RPS6KA5: variants seen among roughly 807,000 people sequenced by gnomAD.
The protein encoded by RPS6KA5 is ribosomal protein S6 kinase alpha-5.
A neutral mutation model predicts 85.5 loss-of-function variants in RPS6KA5; 27 were observed. That is an observed-to-expected ratio of 0.32 (90% CI 0.23 to 0.44). The LOEUF is 0.44. Ranked by LOEUF, RPS6KA5 falls within the 20% of genes least tolerant of loss-of-function variation. The pLI is 1.00. For synonymous variants in RPS6KA5, 334 were observed against 348.2 expected (o/e 0.96, Z 0.46); for missense variants, 811 against 980.9 (o/e 0.83, Z 2.31).
At chr14:91,059,340 G>GAAAA (rs542313515) in intron 1 of RPS6KA5, among the ~76,000 whole-genome samples, 11 of 127,584 alleles carry the variant, frequency 8.6e-5, no homozygotes, top group African/African-American at 3.3e-4. Flanking sequence ...AACTCTGTCT[G>GAAAA]AAAAAAAAAA....
intron 1 of RPS6KA5, chr14:91,059,938 T>C (rs1450002641): frequency 1.7e-5 from 13 of 756,100 alleles, no homozygotes; most frequent in African/African-American, 7.6e-5. Flanking sequence ...GGAGACACTC[T>C]CCAAAACAAA....
rs2032620116 is a variant in RPS6KA5 at position 90,862,687 on chromosome 14, CTCCTGGG to C, written c.*9380_*9386del. 1 of 152,278 alleles carries C rather than the reference CTCCTGGG, an allele frequency of 6.6e-6. No individual in the cohort carries two copies. The highest frequency in any genetic ancestry group is 2.4e-5 in the African/African-American group (1 of 41,432). The allele number at this position is 152,278 out of a possible 1,614,324, so 9.4% of individuals were successfully genotyped here. A position where few individuals can be genotyped will look rare whatever the true frequency, so the allele number is the denominator to read the frequency against. ...CTATGTTGCCCAGGCTGGTCTCCAA[CTCCTGGG>C]CTAAAGCAATCCTTCCTCTTGGCCT... On this transcript the variant is annotated 3_prime_UTR_variant, in exon 17 of 17. Transcript: ENST00000614987.
chr14:90,960,839 CCTTT>C (rs1460137258), intron 3 of RPS6KA5, among the ~76,000 whole-genome samples: 5 of 152,062 alleles, frequency 3.3e-5, no homozygotes, highest in Non-Finnish European at 5.9e-5. Context: ...GTTTTTCTTC[CCTTT>C]ATTATAAGAA....
intron 5 of RPS6KA5, among the ~76,000 whole-genome samples, chr14:90,923,841 T>A (rs953305595): frequency 6.6e-6 from 1 of 152,158 alleles, no homozygotes; most frequent in African/African-American, 2.4e-5. Context: ...TATAGAATTT[T>A]AAAAATTCAA....
chr14:90,920,037 T>C (rs534645448), intron 7 of RPS6KA5, among the ~76,000 whole-genome samples, 169 bp downstream of exon 7: 1 of 152,288 alleles, frequency 6.6e-6, no homozygotes, highest in South Asian at 2.1e-4. Flanking sequence ...TAAAGAAATG[T>C]AAAGGTAACA....
At chr14:91,052,819 C>G (rs1456061939) in intron 1 of RPS6KA5, among the ~76,000 whole-genome samples, 1 of 126,474 alleles carries the variant, frequency 7.9e-6, no homozygotes, top group African/African-American at 3.2e-5. Context: ...GGGAACAGAG[C>G]GAGACTCCAT....
At chr14:90,891,153 C>T (rs903206314) in intron 13 of RPS6KA5, among the ~76,000 whole-genome samples, 2 of 151,724 alleles carry the variant, frequency 1.3e-5, no homozygotes, top group African/African-American at 2.4e-5. Context: ...TCCATAAGGA[C>T]GGGGACTATG....
Position 90,943,232 on chromosome 14 carries a change from T to C in RPS6KA5, c.511-47A>G, listed in dbSNP as rs536327379. ...AATTTTAAAATAATTTACAAAAAAATGAATTAGGGCAGTCTTTCTCGTCTA... is the reference window on the plus strand; with the variant it reads ...AATTTTAAAATAATTTACAAAAAAACGAATTAGGGCAGTCTTTCTCGTCTA... On this transcript the variant is annotated intron_variant, in intron 4 of 16. Coordinates refer to ENST00000614987, the MANE Select transcript of RPS6KA5 (RefSeq NM_004755.4). The C allele has an allele frequency of 1.1e-5, 12 of 1,111,024 alleles. No individual in the cohort carries two copies. The African/African-American group carries it at 1.6e-4, about 15-fold the overall frequency. The allele number at this position is 1,111,024 out of a possible 1,614,324, so 68.8% of individuals were successfully genotyped here. A position where few individuals can be genotyped will look rare whatever the true frequency, so the allele number is the denominator to read the frequency against.
Position 90,978,867 on chromosome 14 carries a change from A to G in RPS6KA5, c.176-343T>C, listed in dbSNP as rs569369639. On this transcript the variant is annotated intron_variant, in intron 2 of 16. Transcript: ENST00000614987. ...CTGGAACAACCAGGACATTTTAGAC[A>G]TCAGATAAAACTTCTAGATATATAT... 2.3e-3 allele frequency among the ~76,000 whole-genome samples: 349 copies of G among 152,308 alleles called. 1 individual carries two copies. Among genetic ancestry groups the G allele is most frequent in the Non-Finnish European group, 3.8e-3 (260 of 68,014 alleles).
chr14:90,941,211 C>T (rs949253446), intron 5 of RPS6KA5, among the ~76,000 whole-genome samples: 4 of 152,072 alleles, frequency 2.6e-5, no homozygotes, highest in African/African-American at 9.7e-5. Flanking sequence ...AAAATACAGT[C>T]ACAAAACTAT....
chr14:90,870,830 A>G lies in RPS6KA5; in HGVS notation c.*1244T>C, dbSNP rs551940294. The G allele has an allele frequency of 6.7e-5, 6 of 89,832 alleles. No homozygotes were observed. The South Asian group carries it at 2.0e-3, about 30-fold the overall frequency. 5.6% of individuals were successfully genotyped at this position (89,832 alleles called of 1,614,324 possible). A position where few individuals can be genotyped will look rare whatever the true frequency, so the allele number is the denominator to read the frequency against. On this transcript the variant is annotated 3_prime_UTR_variant, in exon 17 of 17. Transcript: ENST00000614987. Reference sequence around the variant, plus strand: ...CTTTTTTTTTTTTTTTTTTTTTTGCATAGGGAACGAATTAATTGTATTTTT... The same window carrying G: ...CTTTTTTTTTTTTTTTTTTTTTTGCGTAGGGAACGAATTAATTGTATTTTT...
intron 16 of RPS6KA5, 89 bp downstream of exon 16, chr14:90,873,543 A>C: frequency 8.3e-7 from 1 of 1,210,926 alleles, no homozygotes; most frequent in East Asian, 2.4e-5. Context: ...ATGTGAAACA[A>C]AGAAAACGTA....
chr14:90,943,199 G>T lies in RPS6KA5; in HGVS notation c.511-14C>A. On this transcript the variant is annotated splice_polypyrimidine_tract_variant and intron_variant, in intron 4 of 16. Coordinates refer to ENST00000614987, the MANE Select transcript of RPS6KA5 (RefSeq NM_004755.4). ...TATAATCCCCAACTGCAAAAACAAAGAAATATAAATTTTAAAATAATTTAC... is the reference window on the plus strand; with the variant it reads ...TATAATCCCCAACTGCAAAAACAAATAAATATAAATTTTAAAATAATTTAC... 1 of 1,381,046 alleles carries T rather than the reference G, an allele frequency of 7.2e-7. No homozygotes were observed. The highest frequency in any genetic ancestry group is 1.2e-5 in the South Asian group (1 of 80,154). The allele number at this position is 1,381,046 out of a possible 1,614,324, so 85.5% of individuals were successfully genotyped here.
chr14:90,880,329 C>G (rs2033754319), intron 14 of RPS6KA5, among the ~76,000 whole-genome samples: 1 of 152,170 alleles, frequency 6.6e-6, no homozygotes, highest in East Asian at 1.9e-4. Flanking sequence ...TACTTTCTGT[C>G]TCTATGATTC....
chr14:90,954,001 CT>C (rs1323775253), intron 3 of RPS6KA5, among the ~76,000 whole-genome samples: 2 of 152,192 alleles, frequency 1.3e-5, no homozygotes, highest in African/African-American at 4.8e-5. Flanking sequence ...GACCTACTCC[CT>C]TTTCTAACAC....
rs1271300194 is a variant in RPS6KA5 at position 90,857,179 on chromosome 14, G to A, written c.*14895C>T. ...CTTTGTAATAAAAAAAAATCCACTG[G>A]ATAAAGTTTCAAAAGTGGGAAAGAA... On this transcript the variant is annotated 3_prime_UTR_variant, in exon 17 of 17. Transcript: ENST00000614987. 1 of 152,076 alleles carries A rather than the reference G, an allele frequency of 6.6e-6. No individual in the cohort carries two copies. Among genetic ancestry groups the A allele is most frequent in the Non-Finnish European group, 1.5e-5 (1 of 68,022 alleles). The allele number at this position is 152,076 out of a possible 1,614,324, so 9.4% of individuals were successfully genotyped here. A position where few individuals can be genotyped will look rare whatever the true frequency, so the allele number is the denominator to read the frequency against.
intron 1 of RPS6KA5, among the ~76,000 whole-genome samples, chr14:91,046,680 C>G (rs28624315): frequency 6.6e-6 from 1 of 151,990 alleles, no homozygotes; most frequent in Non-Finnish European, 1.5e-5. Context: ...TATAGAAAAC[C>G]GCATCGTACA....
intron 2 of RPS6KA5, among the ~76,000 whole-genome samples, chr14:90,991,781 T>G (rs992993872): frequency 6.6e-6 from 1 of 151,422 alleles, no homozygotes; most frequent in African/African-American, 2.4e-5. Flanking sequence ...CAAAATTATT[T>G]AAAAGTTTCT....
chr14:91,034,681 C>T (rs188905807), intron 1 of RPS6KA5, among the ~76,000 whole-genome samples: 12 of 152,332 alleles, frequency 7.9e-5, no homozygotes, highest in South Asian at 4.1e-4. Context: ...TCCCCTTTCA[C>T]GCTGTGGAAG....
Sources: gnomAD v4.1 joint callset for allele counts (sites outside exome capture counted in the v4.1 genomes callset) on GRCh38, gnomAD v4.1.1 for gene constraint, MANE v1.5 for transcripts, NCBI Gene and HGNC (gene_info 2026-07-23, HGNC 2026-07-21) for gene names.